PDZRN4: variants seen among roughly 807,000 people sequenced by gnomAD.
The protein encoded by PDZRN4 is PDZ domain-containing RING finger protein 4.
PDZRN4 carries 70 observed loss-of-function variants against 99.0 expected under a neutral mutation model. The ratio of observed to expected loss-of-function variants is 0.71; its 90% confidence interval spans 0.58 to 0.86. PDZRN4 has a LOEUF of 0.86. PDZRN4 is among the 40% of genes least tolerant of loss of function. The pLI, the probability that PDZRN4 is intolerant of heterozygous loss-of-function variation, is 0.00. For missense variants in PDZRN4, 1,474 were observed against 1,331.2 expected (o/e 1.11, Z -1.67); for synonymous variants, 551 against 501.6 (o/e 1.10, Z -1.32).
intron 3 of PDZRN4, among the ~76,000 whole-genome samples, chr12:41,306,525 C>T (rs1370829231): frequency 2.6e-5 from 4 of 152,152 alleles, no homozygotes; most frequent in Admixed American, 1.3e-4. Context: ...GTGGGTGATT[C>T]GGTCCATAGT....
At chr12:41,571,014 T>C (rs1939461526) in intron 9 of PDZRN4, among the ~76,000 whole-genome samples, 1 of 152,160 alleles carries the variant, frequency 6.6e-6, no homozygotes, top group East Asian at 1.9e-4. Context: ...GAGACCTTTT[T>C]AGACTTCTTT....
intron 3 of PDZRN4, among the ~76,000 whole-genome samples, chr12:41,269,946 G>T (rs1431125): frequency 0.12 from 18,367 of 152,054 alleles, 1,947 homozygotes; most frequent in African/African-American, 0.28. Context: ...TCAATTAAAT[G>T]CCATATAAGA....
At chr12:41,497,097 A>G (rs1001613545) in intron 3 of PDZRN4, among the ~76,000 whole-genome samples, 2 of 152,118 alleles carry the variant, frequency 1.3e-5, no homozygotes, top group African/African-American at 4.8e-5. Flanking sequence ...TAGTGTGGCT[A>G]AGTTGCAAGG....
intron 3 of PDZRN4, among the ~76,000 whole-genome samples, chr12:41,414,645 AT>A (rs2120388343): frequency 6.6e-6 from 1 of 152,234 alleles, no homozygotes; most frequent in African/African-American, 2.4e-5. Context: ...TAAAAAAATT[AT>A]TAATATCTAA....
intron 3 of PDZRN4, among the ~76,000 whole-genome samples, chr12:41,321,668 G>GA (rs1951678785): frequency 6.6e-6 from 1 of 151,984 alleles, no homozygotes; most frequent in South Asian, 2.1e-4. Context: ...TGGTTTTTTG[G>GA]ATGGAGTCTG....
rs563565097 is a variant in PDZRN4 at position 41,427,245 on chromosome 12, AG to A, written c.844-79209del. On this transcript the variant is annotated intron_variant, in intron 3 of 9. Coordinates refer to ENST00000402685, the MANE Select transcript of PDZRN4 (RefSeq NM_001164595.2). Reference sequence around the variant, plus strand: ...TAGACATTTGCCAAAATATAGACAAAGGAATAATATGGCTGCCTGTTTTTTG... The same window carrying A: ...TAGACATTTGCCAAAATATAGACAAAGAATAATATGGCTGCCTGTTTTTTG... 2.0e-5 allele frequency among the ~76,000 whole-genome samples: 3 copies of A among 152,322 alleles called. No homozygotes were observed. The South Asian group carries it at 6.2e-4, about 32-fold the overall frequency.
intron 3 of PDZRN4, among the ~76,000 whole-genome samples, chr12:41,230,347 A>G (rs1317292510): frequency 6.6e-6 from 1 of 152,054 alleles, no homozygotes; most frequent in Non-Finnish European, 1.5e-5. Flanking sequence ...CCCTCTACTT[A>G]TCACTGGAAT....
chr12:41,393,220 T>A (rs1310334416), intron 3 of PDZRN4, among the ~76,000 whole-genome samples: 1 of 152,234 alleles, frequency 6.6e-6, no homozygotes, highest in African/African-American at 2.4e-5. Flanking sequence ...TATATACACT[T>A]AGCACAAGCA....
intron 5 of PDZRN4, among the ~76,000 whole-genome samples, chr12:41,539,962 A>G (rs1275027184): frequency 6.6e-6 from 1 of 152,238 alleles, no homozygotes; most frequent in African/African-American, 2.4e-5. Flanking sequence ...TTGCCAGTAC[A>G]GTAAAGATGT....
intron 3 of PDZRN4, among the ~76,000 whole-genome samples, chr12:41,245,849 A>G (rs1591983123): frequency 6.6e-6 from 1 of 152,180 alleles, no homozygotes; most frequent in African/African-American, 2.4e-5. Flanking sequence ...CCCTTATGTC[A>G]CATCTGCCCT....
At position 41,572,460 on chromosome 12, in the gene PDZRN4, A is replaced by C. The variant is rs1365984890; in HGVS notation, c.1681A>C (p.Ser561Arg). ...CAGTGGAGTAGGACGTACAGATGAAAGCTTGCGAAATGATGAGAGCTCAGA... is the reference window on the plus strand; with the variant it reads ...CAGTGGAGTAGGACGTACAGATGAACGCTTGCGAAATGATGAGAGCTCAGA... ...KDSGVGRTDESLRNDESSEQE... is the reference protein window; with the variant it reads ...KDSGVGRTDERLRNDESSEQE... The change falls in exon 10 of 10, where the codon AGC becomes CGC. Residue 561 changes from serine to arginine, a missense_variant. Ser to Arg is a moderately radical substitution (Grantham distance 110). Coordinates refer to ENST00000402685, the MANE Select transcript of PDZRN4 (RefSeq NM_001164595.2). 2.5e-6 allele frequency: 4 copies of C among 1,614,180 alleles called. No individual in the cohort carries two copies. The highest frequency in any genetic ancestry group is 3.4e-6 in the Non-Finnish European group (4 of 1,180,024).
chr12:41,267,322 AC>A (rs1226608366), intron 3 of PDZRN4, among the ~76,000 whole-genome samples: 2 of 152,168 alleles, frequency 1.3e-5, no homozygotes, highest in Non-Finnish European at 2.9e-5. Context: ...ATTGATCAGA[AC>A]CCATCTCTAG....
At chr12:41,466,825 A>G (rs1952930897) in intron 3 of PDZRN4, among the ~76,000 whole-genome samples, 3 of 142,928 alleles carry the variant, frequency 2.1e-5, no homozygotes, top group South Asian at 2.2e-4. Context: ...GTCTTGCACC[A>G]TGAACCATGC....
chr12:41,489,041 T>C (rs973447018), intron 3 of PDZRN4, among the ~76,000 whole-genome samples: 2 of 152,168 alleles, frequency 1.3e-5, no homozygotes, highest in Non-Finnish European at 1.5e-5. Flanking sequence ...ATGCATAAAC[T>C]TTCTTAAAAT....
intron 5 of PDZRN4, among the ~76,000 whole-genome samples, chr12:41,515,118 A>G (rs1938378408): frequency 6.6e-6 from 1 of 152,068 alleles, no homozygotes; most frequent in African/African-American, 2.4e-5. Context: ...GTCTCTGTCC[A>G]TTCAGAGATG....
intron 3 of PDZRN4, among the ~76,000 whole-genome samples, chr12:41,469,197 G>A (rs186003874): frequency 1.3e-5 from 2 of 152,116 alleles, no homozygotes; most frequent in Non-Finnish European, 2.9e-5. Flanking sequence ...GTTTGTAAGT[G>A]ACATTATTTT....
chr12:41,540,254 G>A (rs925395533), intron 5 of PDZRN4, among the ~76,000 whole-genome samples: 1 of 152,094 alleles, frequency 6.6e-6, no homozygotes, highest in Non-Finnish European at 1.5e-5. Flanking sequence ...GAAACTCCAA[G>A]CATTTTTTAA....
chr12:41,539,333 CT>C (rs912339906), intron 5 of PDZRN4, among the ~76,000 whole-genome samples: 79 of 151,864 alleles, frequency 5.2e-4, no homozygotes, highest in African/African-American at 1.9e-3. Context: ...ATTTTATGAT[CT>C]TTTGTTATAT....
At chr12:41,336,457 T>C (rs965723568) in intron 3 of PDZRN4, among the ~76,000 whole-genome samples, 3 of 152,018 alleles carry the variant, frequency 2.0e-5, no homozygotes, top group African/African-American at 7.2e-5. Context: ...TAAGGAAGTG[T>C]CAACCTAAAG....
Sources: allele counts gnomAD v4.1 joint callset (sites outside exome capture counted in the v4.1 genomes callset), GRCh38; gene constraint gnomAD v4.1.1; transcripts MANE v1.5; gene names NCBI Gene and HGNC (gene_info 2026-07-23, HGNC 2026-07-21).